The following NFKBID variants were observed in gnomAD, a reference collection of about 807,000 sequenced individuals.
NFKBID encodes NFKB inhibitor delta, also known as NF-kappa-B inhibitor delta.
A neutral mutation model predicts 53.4 loss-of-function variants in NFKBID; 26 were observed. That is an observed-to-expected ratio of 0.49 (90% CI 0.36 to 0.68). NFKBID has a LOEUF of 0.68. NFKBID is among the 30% of genes least tolerant of loss of function. The pLI is 0.00. For synonymous variants in NFKBID, 262 were observed against 259.8 expected, an observed-to-expected ratio of 1.01 and a Z score of -0.08; for missense variants, 493 against 614.1, an observed-to-expected ratio of 0.80 and a Z score of 2.08.
At chr19:35,900,525 C>T in exon 1 of NFKBID, 5 of 1,231,746 alleles carry the variant, frequency 4.1e-6, no homozygotes, top group Non-Finnish European at 5.1e-6. Flanking sequence ...CCCCGCGGAG[C>T]CGCCGCCGGG....
At position 35,896,156 on chromosome 19, in the gene NFKBID, G is replaced by A. The variant is rs779060731; in HGVS notation, c.884-28C>T. ...GCAGAATGGAGACAGTGAGGGACCC[G>A]CATCTGCACCCACCTCGCCCAGCCA... On this transcript the variant is annotated intron_variant, in intron 8 of 11. Coordinates refer to ENST00000641389, the Ensembl canonical transcript of NFKBID. The surrounding 1 kb of genome is among the most constrained non-coding windows in gnomAD (Gnocchi z 5.7). 9 of 1,613,494 alleles carry A rather than the reference G, an allele frequency of 5.6e-6. No individual in the cohort carries two copies. Among genetic ancestry groups the A allele is most frequent in the African/African-American group, 4.0e-5 (3 of 74,930 alleles).
exon 4 of NFKBID, chr19:35,897,832 G>C: frequency 1.9e-6 from 3 of 1,561,544 alleles, no homozygotes; most frequent in African/African-American, 1.4e-5. Context: ...CACAGTCTCC[G>C]AGTGTGCTGG....
At chr19:35,891,043 A>C (rs1000275515) in intron 9 of NFKBID, among the ~76,000 whole-genome samples, 3 of 152,162 alleles carry the variant, frequency 2.0e-5, no homozygotes, top group African/African-American at 7.2e-5. Context: ...GTGTCTGAGA[A>C]AGAGACTCCT....
chr19:35,888,263 C>T (rs558477099), exon 12 of NFKBID: 15 of 369,912 alleles, frequency 4.1e-5, no homozygotes, highest in Admixed American at 3.6e-4. Flanking sequence ...GGAGAGAACC[C>T]GAAAGATCTC....
chr19:35,889,893 C>A, exon 11 of NFKBID: 1 of 1,607,060 alleles, frequency 6.2e-7, no homozygotes, highest in Non-Finnish European at 8.5e-7. Flanking sequence ...TACTTACCCC[C>A]TCAGGGCCCG....
At chr19:35,900,797 C>A, upstream of NFKBID, 4 of 282,462 alleles carry the variant, frequency 1.4e-5, no homozygotes, top group Non-Finnish European at 1.9e-5. Context: ...GCCTGGATTT[C>A]TTTTCTTTTC....
At chr19:35,899,109 C>T (rs947680772) in intron 1 of NFKBID, among the ~76,000 whole-genome samples, 2 of 152,200 alleles carry the variant, frequency 1.3e-5, no homozygotes, top group Admixed American at 1.3e-4. Context: ...GCAGCAACCA[C>T]CCCACTTCCG....
chr19:35,897,790 T>C, exon 4 of NFKBID: 1 of 1,603,086 alleles, frequency 6.2e-7, no homozygotes, highest in Non-Finnish European at 8.5e-7. Flanking sequence ...GGGGTCCCAG[T>C]CTGGAAAGCC....
At chr19:35,898,638 C>T in intron 2 of NFKBID, 81 bp downstream of exon 2, 5 of 1,428,296 alleles carry the variant, frequency 3.5e-6, no homozygotes, top group Non-Finnish European at 4.7e-6. Context: ...CCCCTCTCAT[C>T]AGCCCCGAGG....
exon 11 of NFKBID, chr19:35,890,046 C>A: frequency 6.2e-7 from 1 of 1,601,044 alleles, no homozygotes; most frequent in Non-Finnish European, 8.5e-7. Context: ...GGGCTGTGTT[C>A]CCGTGGGCCT....
chr19:35,889,415 C>T (rs1974597931), intron 11 of NFKBID, among the ~76,000 whole-genome samples: 1 of 151,980 alleles, frequency 6.6e-6, no homozygotes, highest in South Asian at 2.1e-4. Flanking sequence ...AAGGTCAAGG[C>T]CTGGGTTCGT....
At chr19:35,893,411 C>T (rs78677636) in intron 9 of NFKBID, among the ~76,000 whole-genome samples, 1,703 of 152,230 alleles carry the variant, frequency 0.011, 20 homozygotes, top group East Asian at 0.07. Context: ...CAGTCATGCC[C>T]GTCCTTCTTA....
chr19:35,888,285 G>A, exon 12 of NFKBID: 7 of 464,078 alleles, frequency 1.5e-5, no homozygotes, highest in Non-Finnish European at 2.7e-5. Flanking sequence ...GTGGGGAAAG[G>A]ACTAGGGGTG....
At chr19:35,890,254 T>C (rs1229427128) in intron 10 of NFKBID, 120 bp downstream of exon 10, 5 of 865,074 alleles carry the variant, frequency 5.8e-6, no homozygotes, top group Non-Finnish European at 9.3e-6. Flanking sequence ...CTTCCTATAC[T>C]TTCCCCTGCA....
Position 35,896,912 on chromosome 19 carries a change from C to T in NFKBID, c.578+1G>A, listed in dbSNP as rs778949655. On this transcript the variant is annotated splice_donor_variant, in intron 5 of 11. Transcript: ENST00000641389. LOFTEE classifies it high-confidence loss of function. The surrounding 1 kb of genome is among the most constrained non-coding windows in gnomAD (Gnocchi z 5.7). ...CAGACAACCCTATCCCTTATACTCACGTGTCCCCCTCCTCATCCTGGGCCA... is the reference window on the plus strand; with the variant it reads ...CAGACAACCCTATCCCTTATACTCATGTGTCCCCCTCCTCATCCTGGGCCA... 5.0e-6 allele frequency: 8 copies of T among 1,608,922 alleles called. No homozygotes were observed. In the African/African-American group the frequency reaches 6.7e-5, roughly 13 times the overall value.
At chr19:35,897,124 G>C (rs1975232232) in intron 4 of NFKBID, 66 bp from the exon 5 acceptor site, 1 of 1,534,266 alleles carries the variant, frequency 6.5e-7, no homozygotes, top group Admixed American at 2.2e-5. Flanking sequence ...CAGGTGGTGG[G>C]GAGACCCAGT....
At chr19:35,901,848 ACTGCGGTGGCCTCTCCC>A, upstream of NFKBID, 1 of 323,254 alleles carries the variant, frequency 3.1e-6, no homozygotes, top group South Asian at 3.1e-5. Context: ...GGCATGAGCC[ACTGCGGTGGCCTCTCCC>A]CTGCTTTCAA....
At chr19:35,895,214 G>A (rs1311601945) in intron 9 of NFKBID, among the ~76,000 whole-genome samples, 1 of 151,480 alleles carries the variant, frequency 6.6e-6, no homozygotes, top group African/African-American at 2.4e-5. Context: ...AGTGGCTCAC[G>A]CCTGTAATCG....
At position 35,896,557 on chromosome 19, in the gene NFKBID, G is replaced by C; in HGVS notation, c.685-19C>G. 6.2e-7 allele frequency: 1 copy of C among 1,612,192 alleles called. No individual in the cohort carries two copies. Among genetic ancestry groups the C allele is most frequent in the Non-Finnish European group, 8.5e-7 (1 of 1,179,190 alleles). ...GAGGGGTCTGCAGGCCACAGGAGAAGTCAGGTTGGGCTCCTGGTTCCCTCC... is the reference window on the plus strand; with the variant it reads ...GAGGGGTCTGCAGGCCACAGGAGAACTCAGGTTGGGCTCCTGGTTCCCTCC... On this transcript the variant is annotated intron_variant, in intron 6 of 11. Coordinates refer to ENST00000641389, the Ensembl canonical transcript of NFKBID. This position sits in a 1 kb window ranked among gnomAD's most constrained non-coding sequence, Gnocchi z 5.7.
Sources: allele counts gnomAD v4.1 joint callset (sites outside exome capture counted in the v4.1 genomes callset), GRCh38; gene constraint gnomAD v4.1.1; non-coding constraint Gnocchi (gnomAD v3.1); transcripts MANE v1.5; gene names NCBI Gene and HGNC (gene_info 2026-07-23, HGNC 2026-07-21).